The following ZNF207 variants were observed in gnomAD, a reference collection of about 807,000 sequenced individuals.
The protein encoded by ZNF207 is BUB3-interacting and GLEBS motif-containing protein ZNF207.
A neutral mutation model predicts 60.2 loss-of-function variants in ZNF207; 24 were observed. The observed-to-expected ratio is 0.40, with a 90% CI of 0.29 to 0.56. The LOEUF (loss-of-function observed/expected upper bound fraction) is 0.56, where lower values mean the gene tolerates loss of function less well. Among genes scored for constraint, ZNF207 ranks in the 20% least tolerant of loss-of-function variants. The pLI, the probability that ZNF207 is intolerant of heterozygous loss-of-function variation, is 0.49. For missense variants in ZNF207, 452 were observed against 636.6 expected (o/e 0.71, Z 3.12); for synonymous variants, 236 against 194.7 (o/e 1.21, Z -1.77).
chr17:32,368,698 A>G (rs1331567939), intron 10 of ZNF207: 1 of 152,608 alleles, frequency 6.6e-6, no homozygotes, highest in African/African-American at 2.4e-5. Flanking sequence ...CTCAAAAAAA[A>G]AAAAAGAAAA....
Position 32,381,221 on chromosome 17 carries a change from C to T in ZNF207, c.*11462C>T, listed in dbSNP as rs762173859. 1 of 152,162 alleles carries T rather than the reference C, an allele frequency of 6.6e-6. No homozygotes were observed. The highest frequency in any genetic ancestry group is 1.5e-5 in the Non-Finnish European group (1 of 68,036). 9.4% of individuals were successfully genotyped at this position (152,162 alleles called of 1,614,324 possible). A position where few individuals can be genotyped will look rare whatever the true frequency, so the allele number is the denominator to read the frequency against. On this transcript the variant is annotated 3_prime_UTR_variant, in exon 12 of 12. Coordinates refer to ENST00000394670, the MANE Select transcript of ZNF207 (RefSeq NM_001098507.2). The stretch of plus-strand genomic sequence containing the variant: ...GTCTGTCAGGTCAATCTTCGGTCTT[C>T]ACTTTTACTGGCAAGGGATTATGTG...
rs993324957 is a variant in ZNF207 at position 32,379,318 on chromosome 17, G to A, written c.*9559G>A. 1.4e-4 allele frequency: 22 copies of A among 151,968 alleles called. No individual in the cohort carries two copies. Among genetic ancestry groups the A allele is most frequent in the Non-Finnish European group, 2.2e-4 (15 of 67,918 alleles). The allele number at this position is 151,968 out of a possible 1,614,324, so 9.4% of individuals were successfully genotyped here. A position where few individuals can be genotyped will look rare whatever the true frequency, so the allele number is the denominator to read the frequency against. On this transcript the variant is annotated 3_prime_UTR_variant, in exon 12 of 12. Transcript: ENST00000394670. ...AGCACTCTGAATTTCTACATCTTTG[G>A]ATATTACTTGAATCAAGAATATTAG...
chr17:32,362,881 A>G, intron 6 of ZNF207, 33 bp from the exon 7 acceptor site: 3 of 1,597,930 alleles, frequency 1.9e-6, no homozygotes, highest in Non-Finnish European at 2.6e-6. Flanking sequence ...CTGTTCATTA[A>G]CTTACTGTTT....
chr17:32,350,851 T>C (rs1174108804), intron 1 of ZNF207: 1 of 151,756 alleles, frequency 6.6e-6, no homozygotes, highest in Non-Finnish European at 1.5e-5. Flanking sequence ...TTTTTTTTTT[T>C]TTTTCTTTTC....
chr17:32,368,362 A>G (rs1476098574), intron 10 of ZNF207: 2 of 233,150 alleles, frequency 8.6e-6, no homozygotes, highest in Admixed American at 1.0e-4. Flanking sequence ...CAGATCCCTT[A>G]AGTCCCATAT....
rs1228738599 is a variant in ZNF207 at position 32,367,904 on chromosome 17, A to T, written c.1054A>T (p.Thr352Ser). The T allele has an allele frequency of 1.9e-6, 3 of 1,614,188 alleles. No individual in the cohort carries two copies. The highest frequency in any genetic ancestry group is 2.5e-6 in the Non-Finnish European group (3 of 1,180,032). The change falls in exon 10 of 12, where the codon ACA becomes TCA. Residue 352 changes from threonine to serine, a missense_variant. Around this residue, in one of 2 missense-constraint regions of ZNF207, gnomAD observed 390 missense variants for 461.4 expected, o/e 0.85. Transcript: ENST00000394670. ...TQSTASTTST[T>S]NSTAAKPAAS... ...GTCTACAGCTTCAACAACTAGTACA[A>T]CAAATAGTACTGCAGCTAAACCAGC...
intron 7 of ZNF207, among the ~76,000 whole-genome samples, chr17:32,363,601 G>A (rs576456817): frequency 1.9e-3 from 237 of 125,844 alleles, no homozygotes; most frequent in Middle Eastern, 0.013. Flanking sequence ...GCATGATCTC[G>A]GCTCACTGCA....
At chr17:32,367,718 A>T in intron 9 of ZNF207, 54 bp from the exon 10 acceptor site, 1 of 1,601,440 alleles carries the variant, frequency 6.2e-7, no homozygotes, top group Non-Finnish European at 8.5e-7. Flanking sequence ...ACTGTTGTAG[A>T]TATAGTTAAT....
rs185215090 is a variant in ZNF207 at position 32,354,089 on chromosome 17, C to T, written c.168+2177C>T. ...CTCCCTTACTCAAATGATCCTTCCACCTTAGCCTCCTGAGTACCTGGGACA... is the reference window on the plus strand; with the variant it reads ...CTCCCTTACTCAAATGATCCTTCCATCTTAGCCTCCTGAGTACCTGGGACA... On this transcript the variant is annotated intron_variant, in intron 2 of 11. Transcript: ENST00000394670. Among the ~76,000 whole-genome samples, 50 of 152,164 alleles carry T rather than the reference C, an allele frequency of 3.3e-4. No homozygotes were observed. In the South Asian group the frequency reaches 9.8e-3, roughly 30 times the overall value.
chr17:32,368,133 C>CT, intron 10 of ZNF207, 119 bp downstream of exon 10: 1 of 1,409,958 alleles, frequency 7.1e-7, no homozygotes, highest in African/African-American at 1.4e-5. Flanking sequence ...TTAATGCTCA[C>CT]TAAGTGGTTT....
At chr17:32,367,686 T>G in intron 9 of ZNF207, 86 bp from the exon 10 acceptor site, 1 of 1,526,502 alleles carries the variant, frequency 6.6e-7, no homozygotes, top group Non-Finnish European at 8.9e-7. Context: ...TTATTTAATG[T>G]TGATGCCTTG....
At chr17:32,352,596 T>C (rs1376515500) in intron 2 of ZNF207, among the ~76,000 whole-genome samples, 1 of 152,230 alleles carries the variant, frequency 6.6e-6, no homozygotes, top group Non-Finnish European at 1.5e-5. Flanking sequence ...TAGCAGTCAT[T>C]ACTCACTGCC....
intron 9 of ZNF207, 83 bp from the exon 10 acceptor site, chr17:32,367,686 TTGA>T: frequency 2.6e-6 from 4 of 1,526,502 alleles, no homozygotes; most frequent in Non-Finnish European, 3.5e-6. Flanking sequence ...TTATTTAATG[TTGA>T]TGCCTTGTTT....
Position 32,374,114 on chromosome 17 carries a change from G to A in ZNF207, c.*4355G>A. 1 of 151,952 alleles carries A rather than the reference G, an allele frequency of 6.6e-6. No homozygotes were observed. The highest frequency in any genetic ancestry group is 1.5e-5 in the Non-Finnish European group (1 of 68,092). The allele number at this position is 151,952 out of a possible 1,614,324, so 9.4% of individuals were successfully genotyped here. A position where few individuals can be genotyped will look rare whatever the true frequency, so the allele number is the denominator to read the frequency against. ...GGGGTTTTGCCGTGTTGGCCAGGCT[G>A]GTCTCAAACTCCTGACCTCAGGTGA... On this transcript the variant is annotated 3_prime_UTR_variant, in exon 12 of 12. Coordinates refer to ENST00000394670, the MANE Select transcript of ZNF207 (RefSeq NM_001098507.2).
intron 7 of ZNF207, 140 bp downstream of exon 7, chr17:32,363,124 C>G (rs993606013): frequency 1.7e-6 from 1 of 605,534 alleles, no homozygotes; most frequent in African/African-American, 1.9e-5. Flanking sequence ...TATATGGACC[C>G]TTTTTTAAAA....
Position 32,360,700 on chromosome 17 carries a change from G to GT in ZNF207, c.412dup (p.Tyr138LeufsTer61). On this transcript the variant is annotated frameshift_variant, in exon 4 of 12. Transcript: ENST00000394670. LOFTEE classifies it high-confidence loss of function. ...CCACAGCCTGTTCAACCTCAGCAAG[G>GT]TTATATTCCTCCAATGGCACAGCCA... 6.2e-7 allele frequency: 1 copy of GT among 1,614,064 alleles called. No homozygotes were observed. The highest frequency in any genetic ancestry group is 8.5e-7 in the Non-Finnish European group (1 of 1,180,016).
intron 10 of ZNF207, chr17:32,368,342 G>A (rs1905294869): frequency 3.6e-6 from 1 of 277,404 alleles, no homozygotes; most frequent in Non-Finnish European, 6.9e-6. Context: ...TAAGTGTGAA[G>A]TAGAATCTGC....
At chr17:32,356,770 G>GC (rs1904531200) in intron 2 of ZNF207, among the ~76,000 whole-genome samples, 1 of 152,146 alleles carries the variant, frequency 6.6e-6, no homozygotes, top group Non-Finnish European at 1.5e-5. Context: ...ACCAAGACTG[G>GC]CAGGGATATT....
intron 5 of ZNF207, chr17:32,361,174 T>C (rs911459612): frequency 3.2e-6 from 2 of 617,928 alleles, no homozygotes; most frequent in East Asian, 5.6e-5. Context: ...TTTTAGGGTA[T>C]ATGTAAGCAA....
Sources: gnomAD v4.1 joint callset for allele counts (sites outside exome capture counted in the v4.1 genomes callset) on GRCh38, gnomAD v4.1.1 for gene constraint, gnomAD v4.1.1 regional missense constraint, MANE v1.5 for transcripts, NCBI Gene and HGNC (gene_info 2026-07-23, HGNC 2026-07-21) for gene names.